MYBBP1A: variants seen among roughly 807,000 people sequenced by gnomAD.
MYBBP1A encodes the protein myb-binding protein 1A.
Under a neutral mutation model 136.3 loss-of-function variants are expected in MYBBP1A, and 147 were observed. The ratio of observed to expected loss-of-function variants is 1.08; its 90% CI spans 0.94 to 1.24. MYBBP1A has a LOEUF of 1.24. Among genes scored for constraint, MYBBP1A ranks in the 50% most tolerant of loss-of-function variants. The pLI is 0.00. For missense variants in MYBBP1A, 2,060 were observed against 1,727.4 expected (o/e 1.19, Z -3.41); for synonymous variants, 947 against 735.8 (o/e 1.29, Z -4.65).
rs1907179086 is a variant in MYBBP1A, at chr17:4,548,260, TG to T, written c.1606del (p.Gln536ArgfsTer18). 1 of 1,612,258 alleles carries T rather than the reference TG, an allele frequency of 6.2e-7. No individual in the cohort carries two copies. Among genetic ancestry groups the T allele is most frequent in the Non-Finnish European group, 8.5e-7 (1 of 1,180,014 alleles). On this transcript the variant is annotated frameshift_variant, in exon 12 of 26. Transcript: ENST00000254718. LOFTEE classifies it high-confidence loss of function. This position sits in a 1 kb window ranked among gnomAD's most constrained non-coding sequence, Gnocchi z 4.2. Reference protein sequence around the residue: ...TQFKQAPGQTQGGQPWTYHLV... With the variant: ...TQFKQAPGQTXGGQPWTYHLV... ...GTGGTAGGTCCAGGGCTGCCCACCC[TG>T]GGTCTGGCCCGGTGCCTGCTTGAAC...
Position 4,548,060 on chromosome 17 carries a change from G to T in MYBBP1A, c.1725-3C>A. On this transcript the variant is annotated splice_polypyrimidine_tract_variant and splice_region_variant and intron_variant, in intron 12 of 25. Transcript: ENST00000254718. This position sits in a 1 kb window ranked among gnomAD's most constrained non-coding sequence, Gnocchi z 4.2. ...GCTCCTTCAGAGTCTGCAGCATCCT[G>T]CGGGGAGACAGGCGATTCCCAGGCC... 1 of 1,581,932 alleles carries T rather than the reference G, an allele frequency of 6.3e-7. No individual in the cohort carries two copies. The highest frequency in any genetic ancestry group is 8.6e-7 in the Non-Finnish European group (1 of 1,165,344).
rs961412471 is a variant in MYBBP1A at position 4,547,674 on chromosome 17, C to G, written c.1824+284G>C. 2.1e-5 allele frequency: 8 copies of G among 386,426 alleles called. No homozygotes were observed. The South Asian group carries it at 6.0e-4, about 29-fold the overall frequency. The allele number at this position is 386,426 out of a possible 1,614,324, so 23.9% of individuals were successfully genotyped here. A position where few individuals can be genotyped will look rare whatever the true frequency, so the allele number is the denominator to read the frequency against. Reference sequence around the variant, plus strand: ...GGGGGTACAGTGCAAGCTCCTTTGCCTCTGAGTCTTAGTTTCTCCATGTCA... The same window carrying G: ...GGGGGTACAGTGCAAGCTCCTTTGCGTCTGAGTCTTAGTTTCTCCATGTCA... On this transcript the variant is annotated intron_variant, in intron 13 of 25. Coordinates refer to ENST00000254718, the MANE Select transcript of MYBBP1A (RefSeq NM_014520.4).
At position 4,551,909 on chromosome 17, in the gene MYBBP1A, G is replaced by A. The variant is rs1208000182; in HGVS notation, c.994C>T (p.His332Tyr). ...GCAGTGCACACGTGCTCCCCGTAAT[G>A]GCGGATCACGTCTCCCTGCATCACC... ...HLVMQGDVIR[H>Y]YGEHVCTAKL... Residue 332 changes from histidine (H) to tyrosine (Y), a missense_variant, in exon 8 of 26, where the codon CAT (histidine) becomes TAT (tyrosine). Coordinates refer to ENST00000254718, the MANE Select transcript of MYBBP1A (RefSeq NM_014520.4). The A allele has an allele frequency of 6.2e-7, 1 of 1,613,308 alleles. No individual in the cohort carries two copies. The highest frequency in any genetic ancestry group is 2.2e-5 in the East Asian group (1 of 44,866).
chr17:4,543,281 G>C, intron 19 of MYBBP1A, 116 bp from the exon 20 acceptor site: 1 of 1,387,686 alleles, frequency 7.2e-7, no homozygotes. Flanking sequence ...GAAGACGACA[G>C]AGGCGACCCA....
chr17:4,548,661 G>A lies in MYBBP1A; in HGVS notation c.1431-12C>T, dbSNP rs377533293. 5.7e-5 allele frequency: 92 copies of A among 1,613,928 alleles called. No homozygotes were observed. The highest frequency in any genetic ancestry group is 7.7e-5 in the South Asian group (7 of 91,086). ...GGAACAAACAAAACCTGGGGAGGGT[G>A]GGAGAGTGGCCATAGCCATTCACTG... On this transcript the variant is annotated splice_polypyrimidine_tract_variant and intron_variant, in intron 10 of 25. Transcript: ENST00000254718. This position sits in a 1 kb window ranked among gnomAD's most constrained non-coding sequence, Gnocchi z 4.2.
Position 4,552,180 on chromosome 17 carries a change from A to T in MYBBP1A, c.850T>A (p.Phe284Ile). 1.2e-6 allele frequency: 2 copies of T among 1,614,190 alleles called. No individual in the cohort carries two copies. Among genetic ancestry groups the T allele is most frequent in the Non-Finnish European group, 1.7e-6 (2 of 1,180,034 alleles). ...CCTTGTTCCACCACCTCCTTCCAGA[A>T]CCGTGGGAACTTGTCTTCCTTGAGT... ...LALKEDKFPR[F>I]WKEVVEQGLL... The change falls in exon 7 of 26, where the codon TTC becomes ATC. Residue 284 changes from phenylalanine (F) to isoleucine (I), a missense_variant. Phe to Ile is a conservative substitution (Grantham distance 21, BLOSUM62 0). Transcript: ENST00000254718. The surrounding 1 kb of genome is among the most constrained non-coding windows in gnomAD (Gnocchi z 4.7).
chr17:4,542,064 A>G, intron 22 of MYBBP1A, 173 bp from the exon 23 acceptor site: 1 of 606,506 alleles, frequency 1.6e-6, no homozygotes, highest in South Asian at 2.0e-5. Flanking sequence ...GCAGGTGGGG[A>G]CACCAAGGCC....
At position 4,539,373 on chromosome 17, in the gene MYBBP1A, AGGCAGATGGAGGCAGG is replaced by A. The variant is rs1248363999; in HGVS notation, c.*26_*41del. ...AAAAAAAAAAAAAAATAGGCGTCTC[AGGCAGATGGAGGCAGG>A]GGCTGAGGGGGGCCCGTACCTGTGC... On this transcript the variant is annotated 3_prime_UTR_variant, in exon 26 of 26. Coordinates refer to ENST00000254718, the MANE Select transcript of MYBBP1A (RefSeq NM_014520.4). 6.5e-7 allele frequency: 1 copy of A among 1,527,804 alleles called. No homozygotes were observed. Among genetic ancestry groups the A allele is most frequent in the East Asian group, 2.3e-5 (1 of 43,418 alleles). The allele number at this position is 1,527,804 out of a possible 1,614,324, so 94.6% of individuals were successfully genotyped here. A position where few individuals can be genotyped will look rare whatever the true frequency, so the allele number is the denominator to read the frequency against.
At chr17:4,545,488 A>T in intron 15 of MYBBP1A, 122 bp downstream of exon 15, 1 of 1,491,024 alleles carries the variant, frequency 6.7e-7, no homozygotes, top group Non-Finnish European at 9.0e-7. Flanking sequence ...GGCCTCGTTG[A>T]GACCCCTCCC....
chr17:4,540,435 T>C lies in MYBBP1A; in HGVS notation c.3347A>G (p.Gln1116Arg), dbSNP rs1359926495. The C allele has an allele frequency of 6.2e-7, 1 of 1,611,112 alleles. No individual in the cohort carries two copies. The highest frequency in any genetic ancestry group is 8.5e-7 in the Non-Finnish European group (1 of 1,179,728). ...GTGTGCCCCCTGCTGTAGGCTCTGC[T>C]GTTGCCCCTGCAGCACACCCAGGAG... ...TVLLGVLQGQ[Q>R]QSLQQGAHST... Residue 1116 changes from glutamine to arginine, a missense_variant, in exon 25 of 26, where the codon CAG (glutamine) becomes CGG (arginine). Transcript: ENST00000254718.
chr17:4,541,961 G>C (rs980513863), intron 22 of MYBBP1A, 70 bp from the exon 23 acceptor site: 1 of 1,252,114 alleles, frequency 8.0e-7, no homozygotes, highest in Non-Finnish European at 1.1e-6. Context: ...GGATGCATGA[G>C]GGCTCGGGGG....
chr17:4,552,244 G>A lies in MYBBP1A; in HGVS notation c.786C>T (p.Arg262=), dbSNP rs1907587832. The change falls in exon 7 of 26, where the codon CGC becomes CGT. Residue 262 remains arginine (R), a synonymous_variant. Coordinates refer to ENST00000254718, the MANE Select transcript of MYBBP1A (RefSeq NM_014520.4). This position sits in a 1 kb window ranked among gnomAD's most constrained non-coding sequence, Gnocchi z 4.7. ...GGTCCAGAGCAATGGCGGGCAGCTT[G>A]CGGTCCTTCTTCACAGAGGAGGCGG... ...KMAASSVKKD[R]KLPAIALDLL... 24 of 1,614,190 alleles carry A rather than the reference G, an allele frequency of 1.5e-5. No individual in the cohort carries two copies. Among genetic ancestry groups the A allele is most frequent in the Non-Finnish European group, 1.9e-5 (22 of 1,180,044 alleles).
rs200972722 is a variant in MYBBP1A, at chr17:4,539,721, C to A, written c.3681G>T (p.Thr1227=). 253 of 1,609,292 alleles carry A rather than the reference C, an allele frequency of 1.6e-4. No individual in the cohort carries two copies. The highest frequency in any genetic ancestry group is 2.1e-4 in the Non-Finnish European group (249 of 1,176,958). The part of the protein sequence containing the change: ...KAKVPAQANG[T]PTTKSPAPGA... ...CAGGGGCTGGACTCTTGGTGGTTGGCGTCCCGTTTGCCTGGGCTGGGACCT... is the reference window on the plus strand; with the variant it reads ...CAGGGGCTGGACTCTTGGTGGTTGGAGTCCCGTTTGCCTGGGCTGGGACCT... The change falls in exon 26 of 26, where the codon ACG becomes ACT. Residue 1227 remains threonine (T), a synonymous_variant. Transcript: ENST00000254718.
In MYBBP1A at chr17:4,552,215, A is replaced by G; in HGVS notation, c.815T>C (p.Leu272Pro). 2 of 1,614,212 alleles carry G rather than the reference A, an allele frequency of 1.2e-6. No homozygotes were observed. The highest frequency in any genetic ancestry group is 1.7e-6 in the Non-Finnish European group (2 of 1,180,034). ...CTTGTCTTCCTTGAGTGCCAGGCGG[A>G]GCAGGTCCAGAGCAATGGCGGGCAG... ...RKLPAIALDL[L>P]RLALKEDKFP... The change falls in exon 7 of 26, where the codon CTC becomes CCC. Residue 272 changes from leucine to proline, a missense_variant. Transcript: ENST00000254718. The surrounding 1 kb of genome is among the most constrained non-coding windows in gnomAD (Gnocchi z 4.7).
rs773132366 is a variant in MYBBP1A, at chr17:4,542,554, T to A, written c.3019-22A>T. On this transcript the variant is annotated intron_variant, in intron 21 of 25. Transcript: ENST00000254718. Reference sequence around the variant, plus strand: ...GCACCTGGTGGGGAGTGACAAGGGCTGTGAGGTGCAGGCTGGGCTGAGCAG... The same window carrying A: ...GCACCTGGTGGGGAGTGACAAGGGCAGTGAGGTGCAGGCTGGGCTGAGCAG... 1.6e-4 allele frequency: 266 copies of A among 1,612,464 alleles called. 3 individuals are homozygous for A. The South Asian group carries it at 2.7e-3, about 16-fold the overall frequency.
Position 4,552,337 on chromosome 17 carries a change from G to C in MYBBP1A, c.738-45C>G. ...CAGGGAACACTTGCCTCACAGGCAAGGGCCAGGGTGACAAGAGCAGCCGGG... is the reference window on the plus strand; with the variant it reads ...CAGGGAACACTTGCCTCACAGGCAACGGCCAGGGTGACAAGAGCAGCCGGG... On this transcript the variant is annotated intron_variant, in intron 6 of 25. Transcript: ENST00000254718. This position sits in a 1 kb window ranked among gnomAD's most constrained non-coding sequence, Gnocchi z 4.7. 1 of 1,610,552 alleles carries C rather than the reference G, an allele frequency of 6.2e-7. No individual in the cohort carries two copies. The highest frequency in any genetic ancestry group is 8.5e-7 in the Non-Finnish European group (1 of 1,178,604).
In MYBBP1A at chr17:4,541,570, G is replaced by C; in HGVS notation, c.3196-6C>G. The C allele has an allele frequency of 6.2e-7, 1 of 1,611,306 alleles. No individual in the cohort carries two copies. Among genetic ancestry groups the C allele is most frequent in the South Asian group, 1.1e-5 (1 of 91,082 alleles). On this transcript the variant is annotated splice_polypyrimidine_tract_variant and splice_region_variant and intron_variant, in intron 23 of 25. Coordinates refer to ENST00000254718, the MANE Select transcript of MYBBP1A (RefSeq NM_014520.4). ...TCCCCCAGCACGCGCAAGTTCTAGG[G>C]AAGGGTGGCCAGGCTGAGGCACTCC...
In MYBBP1A at chr17:4,553,909, CTCCTGG is replaced by C; in HGVS notation, c.456_461del (p.Asp152_Gln153del). 3.1e-6 allele frequency: 5 copies of C among 1,614,092 alleles called. No homozygotes were observed. Among genetic ancestry groups the C allele is most frequent in the East Asian group, 2.2e-5 (1 of 44,886 alleles). ...GCAGCTTCACCGACTTCATCAGTGC[CTCCTGG>C]TCCTGGTCCCCACAGAGGGACAGAG... On this transcript the variant is annotated inframe_deletion and splice_region_variant, in exon 5 of 26. Coordinates refer to ENST00000254718, the MANE Select transcript of MYBBP1A (RefSeq NM_014520.4).
intron 25 of MYBBP1A, 137 bp from the exon 26 acceptor site, chr17:4,540,104 AGGGTCCTATGAGGGTCCTGCGAGGCCCCT>A (rs1179529984): frequency 2.5e-5 from 31 of 1,219,560 alleles, no homozygotes; most frequent in Admixed American, 4.7e-5. Flanking sequence ...GGGTCCCGTG[AGGGTCCTATGAGGGTCCTGCGAGGCCCCT>A]GGGTCCTGCG....
Sources: gnomAD v4.1 joint callset for allele counts on GRCh38, gnomAD v4.1.1 for gene constraint, Gnocchi (gnomAD v3.1) non-coding constraint, MANE v1.5 for transcripts, NCBI Gene and HGNC (gene_info 2026-07-23, HGNC 2026-07-21) for gene names.